RBM41: variants seen among roughly 807,000 people sequenced by gnomAD.
RBM41 encodes the protein RNA-binding protein 41.
RBM41 carries 14 observed loss-of-function variants against 30.8 expected under a neutral mutation model. That is an observed-to-expected ratio of 0.45 (90% CI 0.30 to 0.71). RBM41 has a LOEUF of 0.71. RBM41 is among the 30% of genes least tolerant of loss of function. The pLI is 0.08. For missense variants in RBM41, 276 were observed against 326.3 expected, an observed-to-expected ratio of 0.85 and a Z score of 1.19; for synonymous variants, 120 against 110.1, an observed-to-expected ratio of 1.09 and a Z score of -0.56.
At chrX:107,080,079 A>G (rs980585982) in intron 6 of RBM41, among the ~76,000 whole-genome samples, 1 of 111,630 alleles carries the variant, frequency 9.0e-6, no homozygotes, top group African/African-American at 3.3e-5. Context: ...TAAAGCTACT[A>G]TGAACATTCA....
chrX:107,078,008 G>A (rs757483491), intron 6 of RBM41, among the ~76,000 whole-genome samples: 18 of 111,277 alleles, frequency 1.6e-4, no homozygotes, highest in Non-Finnish European at 9.4e-5. Flanking sequence ...CCACAGTTTA[G>A]ATTTCCTTAG....
At chrX:107,079,835 T>C (rs1487955220) in intron 6 of RBM41, among the ~76,000 whole-genome samples, 1 of 112,051 alleles carries the variant, frequency 8.9e-6, no homozygotes, top group Non-Finnish European at 1.9e-5. Context: ...CTGTCTATAG[T>C]TTTCCCTCTT....
At chrX:107,098,379 T>C (rs1341847538) in intron 5 of RBM41, among the ~76,000 whole-genome samples, 1 of 112,077 alleles carries the variant, frequency 8.9e-6, no homozygotes, top group Admixed American at 9.4e-5. Context: ...GAAAGAATTA[T>C]TCTCCAGATA....
chrX:107,110,311 T>C (rs1443269091), intron 5 of RBM41, among the ~76,000 whole-genome samples: 1 of 111,402 alleles, frequency 9.0e-6, no homozygotes, highest in Non-Finnish European at 1.9e-5. Flanking sequence ...TAGATACATA[T>C]AAATGCACAT....
rs367655223 is a variant in RBM41, at chrX:107,067,957, T to C, written c.1148-264A>G. ...AGAAACAAGTAGAGAAACAAAGACATAGGCAGCGTGCTAAAGAAGTCTAAG... is the reference window on the plus strand; with the variant it reads ...AGAAACAAGTAGAGAAACAAAGACACAGGCAGCGTGCTAAAGAAGTCTAAG... On this transcript the variant is annotated intron_variant, in intron 7 of 7. Transcript: ENST00000685964. Among the ~76,000 whole-genome samples the C allele has an allele frequency of 6.3e-5, 7 of 111,874 alleles. No homozygotes were observed. The South Asian group carries it at 1.1e-3, about 18-fold the overall frequency.
At chrX:107,095,658 A>G (rs2147647180) in intron 5 of RBM41, among the ~76,000 whole-genome samples, 1 of 111,801 alleles carries the variant, frequency 8.9e-6, no homozygotes, top group South Asian at 3.7e-4. Flanking sequence ...CAACAATTGG[A>G]AAATGAAATG....
At chrX:107,111,904 A>G (rs1383168269) in intron 5 of RBM41, among the ~76,000 whole-genome samples, 3 of 111,602 alleles carry the variant, frequency 2.7e-5, no homozygotes, top group African/African-American at 9.8e-5. Context: ...GTATCTAATA[A>G]GTACAGAGTT....
chrX:107,116,651 C>G lies in RBM41; in HGVS notation c.124G>C (p.Glu42Gln). Residue 42 changes from glutamate to glutamine, a missense_variant and splice_region_variant, in exon 2 of 8, where the codon GAA (glutamate) becomes CAA (glutamine). Transcript: ENST00000685964. Reference sequence around the variant, plus strand: ...TCCGTTTGCAAAATCAATACCTACTCCTCAATGGAGACAGAAGTATCAAGT... The same window carrying G: ...TCCGTTTGCAAAATCAATACCTACTGCTCAATGGAGACAGAAGTATCAAGT... ...HQLDTSVSIE[E>Q]CMSKKESFAP... is the part of the protein sequence containing the mutation. 1 of 1,209,894 alleles carries G rather than the reference C, an allele frequency of 8.3e-7. No homozygotes were observed. The highest frequency in any genetic ancestry group is 2.9e-4 in the Middle Eastern group (1 of 3,458).
At chrX:107,075,537 T>C (rs1936197487) in intron 6 of RBM41, among the ~76,000 whole-genome samples, 2 of 111,900 alleles carry the variant, frequency 1.8e-5, no homozygotes, top group Admixed American at 1.9e-4. Flanking sequence ...CTCTACAACT[T>C]GATGGCAAGA....
the RBM41 span, among the ~76,000 whole-genome samples, chrX:107,052,472 C>G: frequency 9.0e-6 from 1 of 110,905 alleles, no homozygotes; most frequent in Admixed American, 9.6e-5. Context: ...CAGGAAAACC[C>G]AAGTGCTGCT....
chrX:107,085,665 G>C (rs1458063326), intron 6 of RBM41, among the ~76,000 whole-genome samples: 4 of 111,566 alleles, frequency 3.6e-5, no homozygotes, highest in Admixed American at 9.5e-5. Context: ...GCATTTTATT[G>C]ATTACTAATG....
intron 5 of RBM41, among the ~76,000 whole-genome samples, chrX:107,096,137 G>T (rs920557733): frequency 8.9e-6 from 1 of 112,207 alleles, no homozygotes; most frequent in African/African-American, 3.2e-5. Context: ...CAAAGGAAGA[G>T]ACATTCTATT....
In RBM41 at chrX:107,066,840, C is replaced by T; in HGVS notation, c.*687G>A. 1.4e-6 allele frequency: 1 copy of T among 736,262 alleles called. No homozygotes were observed. Among genetic ancestry groups the T allele is most frequent in the Non-Finnish European group, 1.6e-6 (1 of 624,410 alleles). The allele number at this position is 736,262 out of a possible 1,213,427, so 60.7% of individuals were successfully genotyped here. ...CCTAATATTTAACATATATTAGACA[C>T]TTAATCAATGTTTATTGCTATGAAT... On this transcript the variant is annotated 3_prime_UTR_variant, in exon 8 of 8. Coordinates refer to ENST00000685964, the MANE Select transcript of RBM41 (RefSeq NM_001324242.2).
intron 6 of RBM41, among the ~76,000 whole-genome samples, chrX:107,078,441 C>T (rs886882144): frequency 3.6e-5 from 4 of 111,474 alleles, no homozygotes; most frequent in African/African-American, 1.3e-4. Context: ...ATTTATATCA[C>T]CTGGACTCAT....
At chrX:107,088,021 G>T (rs1007064469) in intron 6 of RBM41, among the ~76,000 whole-genome samples, 3 of 112,121 alleles carry the variant, frequency 2.7e-5, no homozygotes, top group Non-Finnish European at 5.6e-5. Flanking sequence ...GACTCATGTG[G>T]TAGCATATAC....
chrX:107,080,403 AC>A (rs1921403540), intron 6 of RBM41, among the ~76,000 whole-genome samples: 1 of 111,097 alleles, frequency 9.0e-6, no homozygotes, highest in Non-Finnish European at 1.9e-5. Flanking sequence ...ATATGGCGAA[AC>A]CCCATCTCTA....
chrX:107,085,670 CTAA>C (rs1921975565), intron 6 of RBM41, among the ~76,000 whole-genome samples: 1 of 111,913 alleles, frequency 8.9e-6, no homozygotes, highest in Admixed American at 9.5e-5. Context: ...TTATTGATTA[CTAA>C]TGAGATTTCT....
intron 5 of RBM41, among the ~76,000 whole-genome samples, chrX:107,113,076 C>A (rs1192343912): frequency 1.8e-5 from 2 of 111,339 alleles, no homozygotes; most frequent in Non-Finnish European, 3.8e-5. Flanking sequence ...ATCATATCAT[C>A]ATCATCATCA....
chrX:107,095,866 A>G (rs1456089919), intron 5 of RBM41, among the ~76,000 whole-genome samples: 1 of 110,075 alleles, frequency 9.1e-6, no homozygotes, highest in Non-Finnish European at 1.9e-5. Context: ...TTTTAAAAAC[A>G]ATTAGCCAAG....
Sources: allele counts gnomAD v4.1 joint callset (sites outside exome capture counted in the v4.1 genomes callset), GRCh38; gene constraint gnomAD v4.1.1; transcripts MANE v1.5; gene names NCBI Gene and HGNC (gene_info 2026-07-23, HGNC 2026-07-21).